ZRANB3: variants seen among roughly 807,000 people sequenced by gnomAD.
ZRANB3 encodes the protein zinc finger RANBP2-type containing 3, also known as DNA annealing helicase and endonuclease ZRANB3.
In ZRANB3, 125 loss-of-function variants were observed where a neutral mutation model predicts 133.8. The ratio of observed to expected loss-of-function variants is 0.93; its 90% CI spans 0.81 to 1.08. The LOEUF is 1.08. Ranked by LOEUF, ZRANB3 falls within the 50% of genes least tolerant of loss-of-function variation. The probability of loss-of-function intolerance (pLI) is 0.00; values close to 1 mark genes in which losing one functional copy is unlikely to be tolerated. For missense variants in ZRANB3, 1,229 were observed against 1,275.5 expected (o/e 0.96, Z 0.56); for synonymous variants, 387 against 432.7 (o/e 0.89, Z 1.31).
chr2:135,291,085 C>T (rs1164279868), intron 8 of ZRANB3, among the ~76,000 whole-genome samples: 1 of 152,140 alleles, frequency 6.6e-6, no homozygotes, highest in African/African-American at 2.4e-5. Flanking sequence ...TGCTCTTGAA[C>T]TCGTGACCTC....
At chr2:135,467,099 C>T (rs898503882) in intron 2 of ZRANB3, among the ~76,000 whole-genome samples, 1 of 152,168 alleles carries the variant, frequency 6.6e-6, no homozygotes, top group Non-Finnish European at 1.5e-5. Context: ...GGAACTATGT[C>T]TCTCTTGGTC....
At chr2:135,216,700 A>G (rs1474642056) in intron 17 of ZRANB3, among the ~76,000 whole-genome samples, 2 of 151,748 alleles carry the variant, frequency 1.3e-5, no homozygotes, top group Non-Finnish European at 2.9e-5. Flanking sequence ...TTGGCCTCCC[A>G]AAGTGTTGGG....
At chr2:135,411,266 T>C (rs952482482) in intron 2 of ZRANB3, among the ~76,000 whole-genome samples, 1 of 151,800 alleles carries the variant, frequency 6.6e-6, no homozygotes, top group African/African-American at 2.4e-5. Context: ...ATAACAGATA[T>C]TGGCAAGAAT....
chr2:135,353,399 G>T, intron 4 of ZRANB3, 51 bp downstream of exon 4: 1 of 1,330,368 alleles, frequency 7.5e-7, no homozygotes, highest in Non-Finnish European at 1.0e-6. Flanking sequence ...ATATATACCA[G>T]GTACACACAA....
At chr2:135,336,654 C>G (rs1684384096) in intron 6 of ZRANB3, among the ~76,000 whole-genome samples, 1 of 152,144 alleles carries the variant, frequency 6.6e-6, no homozygotes, top group Admixed American at 6.5e-5. Flanking sequence ...ACATGTCCTC[C>G]ACAATCATAA....
At chr2:135,510,140 T>C (rs1164198782) in intron 1 of ZRANB3, among the ~76,000 whole-genome samples, 1 of 152,154 alleles carries the variant, frequency 6.6e-6, no homozygotes, top group Non-Finnish European at 1.5e-5. Context: ...TCTCACAGGC[T>C]TTTGAAACAC....
At chr2:135,460,529 A>C (rs1488481502) in intron 2 of ZRANB3, among the ~76,000 whole-genome samples, 2 of 152,152 alleles carry the variant, frequency 1.3e-5, no homozygotes, top group Non-Finnish European at 2.9e-5. Flanking sequence ...AGCCTCCTAA[A>C]GTGCTGGGAT....
chr2:135,343,943 C>G (rs984631181), intron 6 of ZRANB3, among the ~76,000 whole-genome samples: 3 of 139,674 alleles, frequency 2.1e-5, no homozygotes, highest in Non-Finnish European at 4.4e-5. Flanking sequence ...GCTATACCTT[C>G]CGTGGAGTAT....
At chr2:135,396,664 G>A (rs1687501243) in intron 2 of ZRANB3, among the ~76,000 whole-genome samples, 1 of 152,046 alleles carries the variant, frequency 6.6e-6, no homozygotes, top group Non-Finnish European at 1.5e-5. Flanking sequence ...ATTAGAGACT[G>A]GGAAGGGTAG....
At chr2:135,455,171 C>CTTT (rs1166170814) in intron 2 of ZRANB3, among the ~76,000 whole-genome samples, 1,115 of 37,544 alleles carry the variant, frequency 0.03, 225 homozygotes, top group East Asian at 0.083. Flanking sequence ...CCTTCTTATA[C>CTTT]TTTTTTTTTT....
chr2:135,473,445 C>T (rs969295146), intron 2 of ZRANB3, among the ~76,000 whole-genome samples: 2 of 151,962 alleles, frequency 1.3e-5, no homozygotes, highest in East Asian at 1.9e-4. Context: ...AAACTACTAC[C>T]ATTGCCCACA....
intron 2 of ZRANB3, among the ~76,000 whole-genome samples, chr2:135,411,497 CAA>C (rs1222510051): frequency 6.6e-6 from 1 of 152,072 alleles, no homozygotes; most frequent in Non-Finnish European, 1.5e-5. Flanking sequence ...TCTACAATAG[CAA>C]AGTCATGGAA....
intron 2 of ZRANB3, among the ~76,000 whole-genome samples, chr2:135,413,292 T>G (rs1688393097): frequency 1.3e-5 from 2 of 152,174 alleles, no homozygotes; most frequent in Non-Finnish European, 2.9e-5. Context: ...GATCTATCCC[T>G]CTCTTACGTG....
At chr2:135,237,878 A>T (rs1695369972) in intron 12 of ZRANB3, among the ~76,000 whole-genome samples, 1 of 152,210 alleles carries the variant, frequency 6.6e-6, no homozygotes, top group Non-Finnish European at 1.5e-5. Context: ...CCAACATGGC[A>T]CATGTATACA....
At chr2:135,513,317 A>C (rs1693552352) in intron 1 of ZRANB3, among the ~76,000 whole-genome samples, 1 of 152,356 alleles carries the variant, frequency 6.6e-6, no homozygotes, top group South Asian at 2.1e-4. Flanking sequence ...AATTTACTAC[A>C]AAGTGACAAT....
chr2:135,427,042 C>G (rs1375533466), intron 2 of ZRANB3, among the ~76,000 whole-genome samples: 3 of 150,534 alleles, frequency 2.0e-5, no homozygotes, highest in Admixed American at 2.0e-4. Context: ...TCTCAACAAA[C>G]TAGGCATCAA....
At position 135,292,614 on chromosome 2, in the gene ZRANB3, A is replaced by T. The variant is rs367844914; in HGVS notation, c.967-16859T>A. ...CTTTAGTTTAATTAGATCCCATTTG[A>T]CAATTTTGGCTTTTGTTGCCATTGC... On this transcript the variant is annotated intron_variant, in intron 8 of 20. Coordinates refer to ENST00000264159, the MANE Select transcript of ZRANB3 (RefSeq NM_032143.4). Among the ~76,000 whole-genome samples the T allele has an allele frequency of 3.0e-4, 45 of 152,166 alleles. 1 individual carries two copies. Among genetic ancestry groups the T allele is most frequent in the Admixed American group, 2.3e-3 (35 of 15,282 alleles).
intron 2 of ZRANB3, among the ~76,000 whole-genome samples, chr2:135,493,128 TA>T (rs1692475889): frequency 1.3e-4 from 4 of 31,706 alleles, no homozygotes; most frequent in African/African-American, 9.4e-4. Context: ...TATATATATA[TA>T]TATATATATA....
At chr2:135,499,946 T>C (rs1410170354) in intron 2 of ZRANB3, among the ~76,000 whole-genome samples, 1 of 152,114 alleles carries the variant, frequency 6.6e-6, no homozygotes. Context: ...GTAACCAATA[T>C]GACTAGTGTC....
Sources: allele counts gnomAD v4.1 joint callset (sites outside exome capture counted in the v4.1 genomes callset), GRCh38; gene constraint gnomAD v4.1.1; transcripts MANE v1.5; gene names NCBI Gene and HGNC (gene_info 2026-07-23, HGNC 2026-07-21).